The following ONECUT3 variants were observed in gnomAD, a reference collection of about 807,000 sequenced individuals.
ONECUT3 encodes one cut homeobox 3.
In ONECUT3, 11 loss-of-function variants were observed where a neutral mutation model predicts 16.8. The ratio of observed to expected loss-of-function variants is 0.66; its 90% CI spans 0.41 to 1.09. ONECUT3 has a LOEUF of 1.09. Among genes scored for constraint, ONECUT3 ranks in the 50% least tolerant of loss-of-function variants. ONECUT3 has a pLI of 0.00. For synonymous variants in ONECUT3, 344 were observed against 310.7 expected, an observed-to-expected ratio of 1.11 and a Z score of -1.13; for missense variants, 637 against 629.9, an observed-to-expected ratio of 1.01 and a Z score of -0.12.
Position 1,755,489 on chromosome 19 carries a change from G to A in ONECUT3, c.1192+635G>A, listed in dbSNP as rs917197348. Among the ~76,000 whole-genome samples, 5 of 151,992 alleles carry A rather than the reference G, an allele frequency of 3.3e-5. No individual in the cohort carries two copies. The South Asian group carries it at 6.2e-4, about 19-fold the overall frequency. On this transcript the variant is annotated intron_variant, in intron 1 of 1. Transcript: ENST00000382349. The surrounding 1 kb of genome is among the most constrained non-coding windows in gnomAD (Gnocchi z 7.5). ...CCGCTGGCAAAGGTCACCCGAGAAT[G>A]GCGGGGGAGGGGCGGCCCCGGGGAC... is the stretch of plus-strand genomic sequence containing the variant.
chr19:1,780,175 T>TCCC lies in ONECUT3; in HGVS notation c.*4736_*4738dup, dbSNP rs552653663. The TCCC allele has an allele frequency of 1.5e-5, 2 of 133,810 alleles. No individual in the cohort carries two copies. Among genetic ancestry groups the TCCC allele is most frequent in the African/African-American group, 5.6e-5 (2 of 35,728 alleles). 8.3% of individuals were successfully genotyped at this position (133,810 alleles called of 1,614,324 possible). On this transcript the variant is annotated 3_prime_UTR_variant, in exon 2 of 2. Coordinates refer to ENST00000382349, the MANE Select transcript of ONECUT3 (RefSeq NM_001080488.2). ...CCCAACAGCAGGCACCAGCACCCCC[T>TCCC]CCCCCCCCACCTCCACCCAGACAGC...
chr19:1,776,954 T>A lies in ONECUT3; in HGVS notation c.*1509T>A, dbSNP rs1264999656. On this transcript the variant is annotated 3_prime_UTR_variant, in exon 2 of 2. Transcript: ENST00000382349. This position sits in a 1 kb window ranked among gnomAD's most constrained non-coding sequence, Gnocchi z 4.9. The stretch of plus-strand genomic sequence containing the variant: ...AAGGATTTGTGCTGGATGACAGGAT[T>A]CCCTGGCCTGGGACCCGGCTCGGGG... 1 of 152,040 alleles carries A rather than the reference T, an allele frequency of 6.6e-6. No individual in the cohort carries two copies. The highest frequency in any genetic ancestry group is 2.4e-5 in the African/African-American group (1 of 41,352). The allele number at this position is 152,040 out of a possible 1,614,324, so 9.4% of individuals were successfully genotyped here.
At chr19:1,768,998 ATGGTGGAGG>A (rs370679437) in intron 1 of ONECUT3, among the ~76,000 whole-genome samples, 10,505 of 91,520 alleles carry the variant, frequency 0.11, 941 homozygotes, top group East Asian at 0.2. Context: ...GGTGGAGGTG[ATGGTGGAGG>A]TGGTGGAGGT....
chr19:1,775,283 G>A lies in ONECUT3; in HGVS notation c.1323G>A (p.Lys441=). 1 of 1,605,430 alleles carries A rather than the reference G, an allele frequency of 6.2e-7. No homozygotes were observed. The change falls in exon 2 of 2, where the codon AAG becomes AAA. Residue 441 remains lysine, a synonymous_variant. Coordinates refer to ENST00000382349, the MANE Select transcript of ONECUT3 (RefSeq NM_001080488.2). ...TCAAGGAGAACAAGCGGCCGTCCAA[G>A]GAGATGCAGGTCACCATCTCGCAGC... The part of the protein sequence containing the change: ...AIFKENKRPS[K]EMQVTISQQL...
rs962845158 is a variant in ONECUT3, at chr19:1,758,144, G to C, written c.1192+3290G>C. On this transcript the variant is annotated intron_variant, in intron 1 of 1. Transcript: ENST00000382349. This position sits in a 1 kb window ranked among gnomAD's most constrained non-coding sequence, Gnocchi z 5.9. ...GCAGGTGCAGACGGAGAGGGAGGGG[G>C]AGACGGGGAGATGGAGAGAGAGGGA... 6.6e-6 allele frequency among the ~76,000 whole-genome samples: 1 copy of C among 152,164 alleles called. No individual in the cohort carries two copies. Among genetic ancestry groups the C allele is most frequent in the Non-Finnish European group, 1.5e-5 (1 of 68,020 alleles).
intron 1 of ONECUT3, among the ~76,000 whole-genome samples, chr19:1,765,238 C>T (rs1484987980): frequency 6.6e-6 from 1 of 152,180 alleles, no homozygotes; most frequent in Non-Finnish European, 1.5e-5. Flanking sequence ...CCTCCACATC[C>T]CTCCCGTCCT....
chr19:1,768,893 G>A (rs559251774), intron 1 of ONECUT3, among the ~76,000 whole-genome samples: 36 of 147,754 alleles, frequency 2.4e-4, no homozygotes, highest in Non-Finnish European at 4.6e-4. Flanking sequence ...GGAGGTGGTG[G>A]AGGTGGAGGT....
In ONECUT3 at chr19:1,775,544, G is replaced by T; in HGVS notation, c.*99G>T. On this transcript the variant is annotated 3_prime_UTR_variant, in exon 2 of 2. Coordinates refer to ENST00000382349, the MANE Select transcript of ONECUT3 (RefSeq NM_001080488.2). ...GCCGGCCCGGAGACCCGCCCCCAGG[G>T]GGCACCTGGAGGGGGTGCTATCCGG... The T allele has an allele frequency of 1.6e-6, 2 of 1,272,038 alleles. No homozygotes were observed. The highest frequency in any genetic ancestry group is 2.1e-6 in the Non-Finnish European group (2 of 973,070). 78.8% of individuals were successfully genotyped at this position (1,272,038 alleles called of 1,614,324 possible).
intron 1 of ONECUT3, among the ~76,000 whole-genome samples, chr19:1,773,814 G>GC (rs1568602470): frequency 8.0e-4 from 75 of 93,860 alleles, no homozygotes; most frequent in Non-Finnish European, 1.1e-3. Flanking sequence ...CCAGCTCCTA[G>GC]TGGGGGAAGC....
At chr19:1,768,360 G>C (rs762760558) in intron 1 of ONECUT3, among the ~76,000 whole-genome samples, 1 of 152,154 alleles carries the variant, frequency 6.6e-6, no homozygotes, top group African/African-American at 2.4e-5. Flanking sequence ...TGAGGCCAGC[G>C]GGGGAGGCCA....
Position 1,778,588 on chromosome 19 carries a change from T to G in ONECUT3, c.*3143T>G, listed in dbSNP as rs2068130550. ...CTTCAAGGCCCCAAGGGTAACACGC[T>G]AGGGGGCCTCCAGTTTTGTCCCCTG... is the stretch of plus-strand genomic sequence containing the variant. On this transcript the variant is annotated 3_prime_UTR_variant, in exon 2 of 2. Transcript: ENST00000382349. 6.6e-6 allele frequency: 1 copy of G among 152,134 alleles called. No individual in the cohort carries two copies. Among genetic ancestry groups the G allele is most frequent in the African/African-American group, 2.4e-5 (1 of 41,376 alleles). 9.4% of individuals were successfully genotyped at this position (152,134 alleles called of 1,614,324 possible).
rs1188374602 is a variant in ONECUT3 at position 1,758,546 on chromosome 19, G to A, written c.1192+3692G>A. Among the ~76,000 whole-genome samples, 1 of 152,192 alleles carries A rather than the reference G, an allele frequency of 6.6e-6. No individual in the cohort carries two copies. The highest frequency in any genetic ancestry group is 2.4e-5 in the African/African-American group (1 of 41,444). Reference sequence around the variant, plus strand: ...TCTGCGTGCCTCAGTTTACCCATCTGTAAAATGTGCGTGTGGTGGGCCGAA... The same window carrying A: ...TCTGCGTGCCTCAGTTTACCCATCTATAAAATGTGCGTGTGGTGGGCCGAA... On this transcript the variant is annotated intron_variant, in intron 1 of 1. Transcript: ENST00000382349. The surrounding 1 kb of genome is among the most constrained non-coding windows in gnomAD (Gnocchi z 5.9).
rs972911679 is a variant in ONECUT3, at chr19:1,758,408, C to G, written c.1192+3554C>G. On this transcript the variant is annotated intron_variant, in intron 1 of 1. Transcript: ENST00000382349. This position sits in a 1 kb window ranked among gnomAD's most constrained non-coding sequence, Gnocchi z 5.9. The stretch of plus-strand genomic sequence containing the variant: ...CACCCCCGCCCTCCCACAGCCCCCT[C>G]CTTCTTCCCCATGGGGTAGGACTTG... Among the ~76,000 whole-genome samples the G allele has an allele frequency of 2.0e-5, 3 of 151,912 alleles. No individual in the cohort carries two copies. Among genetic ancestry groups the G allele is most frequent in the Non-Finnish European group, 2.9e-5 (2 of 67,986 alleles).
chr19:1,759,480 AGAG>A lies in ONECUT3; in HGVS notation c.1192+4642_1192+4644del, dbSNP rs139354138. ...GGATGAAGGGGAGGGATGAGCAGGG[AGAG>A]GAGGAGGAGGAGGAGAGGGAAGGGA... On this transcript the variant is annotated intron_variant, in intron 1 of 1. Coordinates refer to ENST00000382349, the MANE Select transcript of ONECUT3 (RefSeq NM_001080488.2). This position sits in a 1 kb window ranked among gnomAD's most constrained non-coding sequence, Gnocchi z 4.1. 4.0e-5 allele frequency among the ~76,000 whole-genome samples: 6 copies of A among 150,170 alleles called. No homozygotes were observed. Among genetic ancestry groups the A allele is most frequent in the Non-Finnish European group, 8.9e-5 (6 of 67,514 alleles).
At position 1,754,090 on chromosome 19, in the gene ONECUT3, C is replaced by T. The variant is rs761562269; in HGVS notation, c.428C>T (p.Ala143Val). 9.9e-7 allele frequency: 1 copy of T among 1,006,624 alleles called. No homozygotes were observed. 62.4% of individuals were successfully genotyped at this position (1,006,624 alleles called of 1,614,324 possible). The change falls in exon 1 of 2, where the codon GCG (alanine) becomes GTG (valine). Residue 143 changes from alanine to valine, a missense_variant. Transcript: ENST00000382349. The surrounding 1 kb of genome is among the most constrained non-coding windows in gnomAD (Gnocchi z 7.4). Reference sequence around the variant, plus strand: ...GGGGCGCACGGCGGCCATCCCCACGCGCACCCGCACCCGGCGGCCGCGCCG... The same window carrying T: ...GGGGCGCACGGCGGCCATCCCCACGTGCACCCGCACCCGGCGGCCGCGCCG... ...VAGAHGGHPH[A>V]HPHPAAAPPP...
rs1213698668 is a variant in ONECUT3, at chr19:1,755,620, G to A, written c.1192+766G>A. 2.0e-5 allele frequency among the ~76,000 whole-genome samples: 3 copies of A among 152,196 alleles called. No homozygotes were observed. The highest frequency in any genetic ancestry group is 6.5e-5 in the Admixed American group (1 of 15,288). On this transcript the variant is annotated intron_variant, in intron 1 of 1. Transcript: ENST00000382349. This position sits in a 1 kb window ranked among gnomAD's most constrained non-coding sequence, Gnocchi z 7.5. ...GCGCCCCTGCCCGCCTGGCTTTGGG[G>A]TTTTGTGTCTCTCATGTCCACTTCT...
In ONECUT3 at chr19:1,764,350, T is replaced by TC. The variant is rs1035645467; in HGVS notation, c.1192+9499dup. ...CCGAGAGTCCAAGTGGAAATGCGTT[T>TC]CCCGGTTAAGTCTTTGAAGGCTCAG... On this transcript the variant is annotated intron_variant, in intron 1 of 1. Transcript: ENST00000382349. The surrounding 1 kb of genome is among the most constrained non-coding windows in gnomAD (Gnocchi z 5.0). Among the ~76,000 whole-genome samples the TC allele has an allele frequency of 2.6e-5, 4 of 152,152 alleles. No homozygotes were observed. The highest frequency in any genetic ancestry group is 9.7e-5 in the African/African-American group (4 of 41,434).
chr19:1,754,289 G>T lies in ONECUT3; in HGVS notation c.627G>T (p.Ala209=). The change falls in exon 1 of 2, where the codon GCG becomes GCT. Residue 209 remains alanine, a synonymous_variant. Transcript: ENST00000382349. This position sits in a 1 kb window ranked among gnomAD's most constrained non-coding sequence, Gnocchi z 7.4. Reference sequence around the variant, plus strand: ...CGCTGCCCAACGCGCTGCCGCCCGCGCTGCACGGCGCCCCGCAGCCCCCGC... The same window carrying T: ...CGCTGCCCAACGCGCTGCCGCCCGCTCTGCACGGCGCCCCGCAGCCCCCGC... ...LSPLPNALPP[A]LHGAPQPPPP... The T allele has an allele frequency of 9.5e-7, 1 of 1,054,648 alleles. No homozygotes were observed. The highest frequency in any genetic ancestry group is 1.1e-6 in the Non-Finnish European group (1 of 879,780). 65.3% of individuals were successfully genotyped at this position (1,054,648 alleles called of 1,614,324 possible).
At chr19:1,760,422 CG>C (rs1017722807) in intron 1 of ONECUT3, among the ~76,000 whole-genome samples, 2 of 84,268 alleles carry the variant, frequency 2.4e-5, no homozygotes, top group African/African-American at 4.6e-5. Context: ...AAGGGACCGG[CG>C]GGGGGGCGGG....
Sources: gnomAD v4.1 joint callset for allele counts (sites outside exome capture counted in the v4.1 genomes callset) on GRCh38, gnomAD v4.1.1 for gene constraint, Gnocchi (gnomAD v3.1) non-coding constraint, MANE v1.5 for transcripts, NCBI Gene and HGNC (gene_info 2026-07-23, HGNC 2026-07-21) for gene names.